Variants in PTPRG observed in about 807,000 individuals in gnomAD.
The protein encoded by PTPRG is receptor-type tyrosine-protein phosphatase gamma.
Under a neutral mutation model 165.3 loss-of-function variants are expected in PTPRG, and 102 were observed. The ratio of observed to expected loss-of-function variants is 0.62; its 90% CI spans 0.53 to 0.73. The LOEUF (loss-of-function observed/expected upper bound fraction) is 0.73. PTPRG is among the 30% of genes least tolerant of loss of function. PTPRG has a pLI of 0.00. For missense variants in PTPRG, 1,866 were observed against 1,861.4 expected, an observed-to-expected ratio of 1.00 and a Z score of -0.05; for synonymous variants, 675 against 669.5, an observed-to-expected ratio of 1.01 and a Z score of -0.13.
intron 1 of PTPRG, among the ~76,000 whole-genome samples, chr3:61,725,599 G>T (rs1204617617): frequency 6.6e-6 from 1 of 151,820 alleles, no homozygotes; most frequent in African/African-American, 2.4e-5. Flanking sequence ...ACATAGTCTT[G>T]ATAACTTTAG....
intron 6 of PTPRG, among the ~76,000 whole-genome samples, chr3:62,151,704 A>G (rs1056555265): frequency 7.9e-5 from 12 of 151,910 alleles, no homozygotes; most frequent in African/African-American, 2.9e-4. Flanking sequence ...CTCAACTAGT[A>G]AGTGGCTGGG....
intron 4 of PTPRG, among the ~76,000 whole-genome samples, chr3:62,024,572 G>A (rs1016494670): frequency 5.9e-5 from 9 of 152,198 alleles, no homozygotes; most frequent in African/African-American, 1.2e-4. Context: ...TCAAGTCAGA[G>A]TTGATACGAG....
intron 5 of PTPRG, among the ~76,000 whole-genome samples, chr3:62,110,901 C>A (rs1452464209): frequency 1.3e-5 from 2 of 152,156 alleles, no homozygotes; most frequent in Non-Finnish European, 1.5e-5. Flanking sequence ...AATATGCACA[C>A]TTTGGGGCTT....
intron 29 of PTPRG, 196 bp downstream of exon 29, chr3:62,292,752 A>T (rs540655014): frequency 4.9e-6 from 3 of 606,718 alleles, no homozygotes; most frequent in Admixed American, 6.4e-5. Context: ...TGCTAAGCAA[A>T]CTACACAGCA....
chr3:61,621,674 G>T (rs1339994329), intron 1 of PTPRG, among the ~76,000 whole-genome samples: 3 of 152,168 alleles, frequency 2.0e-5, no homozygotes, highest in African/African-American at 7.2e-5. Flanking sequence ...TCTCAGGTCA[G>T]TTGGAGTTTG....
At chr3:62,130,554 C>T (rs17066182) in intron 5 of PTPRG, among the ~76,000 whole-genome samples, 5,712 of 152,220 alleles carry the variant, frequency 0.038, 255 homozygotes, top group African/African-American at 0.11. Flanking sequence ...CTGGCATCCC[C>T]ACCAGAATGA....
intron 1 of PTPRG, among the ~76,000 whole-genome samples, chr3:61,584,973 G>A (rs930153182): frequency 9.2e-5 from 14 of 152,174 alleles, no homozygotes; most frequent in African/African-American, 3.4e-4. Flanking sequence ...TATAGCAAAT[G>A]TTCGTTACAG....
At position 61,573,350 on chromosome 3, in the gene PTPRG, AG is replaced by A. The variant is rs113887348; in HGVS notation, c.85+10979del. Among the ~76,000 whole-genome samples, 534 of 152,100 alleles carry A rather than the reference AG, an allele frequency of 3.5e-3. 4 individuals are homozygous for A. Among genetic ancestry groups the A allele is most frequent in the Middle Eastern group, 0.014 (4 of 294 alleles). On this transcript the variant is annotated intron_variant, in intron 1 of 29. Transcript: ENST00000474889. ...CATATTAGTGGGTCCCTTGCTACTT[AG>A]TTTTTTTTACACAATATTGCTGCCC...
At chr3:62,114,491 A>G (rs980117035) in intron 5 of PTPRG, among the ~76,000 whole-genome samples, 1 of 152,082 alleles carries the variant, frequency 6.6e-6, no homozygotes, top group African/African-American at 2.4e-5. Flanking sequence ...TTATCTCACA[A>G]GTTTCTTGTG....
chr3:62,243,928 G>A, intron 15 of PTPRG, 30 bp downstream of exon 15: 2 of 1,275,468 alleles, frequency 1.6e-6, no homozygotes, highest in Non-Finnish European at 2.2e-6. Flanking sequence ...TATTTCCAAT[G>A]GGCTAATTGT....
At chr3:61,990,725 GT>G (rs560523112) in intron 3 of PTPRG, among the ~76,000 whole-genome samples, 8 of 151,494 alleles carry the variant, frequency 5.3e-5, no homozygotes, top group African/African-American at 1.2e-4. Context: ...ATTAAAGCAA[GT>G]TTTTTTTTCT....
intron 2 of PTPRG, among the ~76,000 whole-genome samples, chr3:61,786,592 C>T (rs866134411): frequency 6.6e-6 from 1 of 152,144 alleles, no homozygotes; most frequent in Non-Finnish European, 1.5e-5. Flanking sequence ...AAATCCACCC[C>T]CAGACTGGGT....
At chr3:62,000,496 G>T (rs1446303957) in intron 3 of PTPRG, among the ~76,000 whole-genome samples, 1 of 152,132 alleles carries the variant, frequency 6.6e-6, no homozygotes, top group African/African-American at 2.4e-5. Flanking sequence ...AGAAAAAGGA[G>T]ACCAGAGTCA....
At chr3:61,917,650 C>A (rs1002650469) in intron 2 of PTPRG, among the ~76,000 whole-genome samples, 1 of 152,170 alleles carries the variant, frequency 6.6e-6, no homozygotes, top group African/African-American at 2.4e-5. Context: ...CAAGCAAAGG[C>A]GGGGCGTGGT....
intron 2 of PTPRG, chr3:61,753,589 T>TTTTTTC (rs1294206067): frequency 2.3e-6 from 1 of 430,748 alleles, no homozygotes; most frequent in East Asian, 7.1e-5. Flanking sequence ...TTGAGGGTTT[T>TTTTTTC]TTTTTTTTTT....
At chr3:61,587,379 C>T (rs572375237) in intron 1 of PTPRG, among the ~76,000 whole-genome samples, 1 of 152,244 alleles carries the variant, frequency 6.6e-6, no homozygotes, top group South Asian at 2.1e-4. Context: ...CACATACACT[C>T]TTTCTGTCAG....
chr3:61,604,486 G>A (rs1700947836), intron 1 of PTPRG, among the ~76,000 whole-genome samples: 2 of 152,256 alleles, frequency 1.3e-5, no homozygotes, highest in East Asian at 1.9e-4. Flanking sequence ...AAACATTAAA[G>A]GCCCATATGT....
At chr3:62,046,729 A>G (rs1230900426) in intron 4 of PTPRG, among the ~76,000 whole-genome samples, 1 of 152,132 alleles carries the variant, frequency 6.6e-6, no homozygotes, top group African/African-American at 2.4e-5. Flanking sequence ...CCAAACAAAG[A>G]TTTTTGTATT....
chr3:62,132,777 T>C, intron 6 of PTPRG, 109 bp downstream of exon 6: 1 of 994,778 alleles, frequency 1.0e-6, no homozygotes, highest in Non-Finnish European at 1.6e-6. Flanking sequence ...CTATTCCTCA[T>C]CCCCTGATGT....
Sources: gnomAD v4.1 joint callset for allele counts (sites outside exome capture counted in the v4.1 genomes callset) on GRCh38, gnomAD v4.1.1 for gene constraint, MANE v1.5 for transcripts, NCBI Gene and HGNC (gene_info 2026-07-23, HGNC 2026-07-21) for gene names.